MED27: variants seen among roughly 807,000 people sequenced by gnomAD.
MED27 encodes the protein mediator complex subunit 27, also known as mediator of RNA polymerase II transcription subunit 27.
MED27 carries 30 observed loss-of-function variants against 38.2 expected under a neutral mutation model. That is an observed-to-expected ratio of 0.79 (90% CI 0.59 to 1.07). MED27 has a LOEUF of 1.07. MED27 is among the 50% of genes least tolerant of loss of function. The pLI is 0.00. For synonymous variants in MED27, 122 were observed against 153.5 expected (o/e 0.79, Z 1.52); for missense variants, 289 against 397.5 (o/e 0.73, Z 2.32).
chr9:131,984,181 G>A (rs1410274734), intron 3 of MED27, among the ~76,000 whole-genome samples: 2 of 152,080 alleles, frequency 1.3e-5, no homozygotes, highest in Non-Finnish European at 2.9e-5. Context: ...TTTTAAAGTC[G>A]CTGCCCACCT....
intron 3 of MED27, among the ~76,000 whole-genome samples, chr9:131,981,284 T>C (rs1831730261): frequency 6.6e-6 from 1 of 152,254 alleles, no homozygotes; most frequent in African/African-American, 2.4e-5. Flanking sequence ...CAATAAATCA[T>C]ATCCTTCTGA....
intron 5 of MED27, among the ~76,000 whole-genome samples, chr9:131,893,372 C>G (rs2131502680): frequency 6.6e-6 from 1 of 152,250 alleles, no homozygotes; most frequent in East Asian, 1.9e-4. Context: ...GGTGAACTTT[C>G]CATGAAACAA....
chr9:132,009,336 G>A (rs1355887240), intron 3 of MED27, among the ~76,000 whole-genome samples: 1 of 152,166 alleles, frequency 6.6e-6, no homozygotes, highest in Non-Finnish European at 1.5e-5. Context: ...CTTCAAAAGG[G>A]AGAGCCTCAT....
At chr9:132,056,566 A>T (rs188929831) in intron 2 of MED27, among the ~76,000 whole-genome samples, 3 of 152,370 alleles carry the variant, frequency 2.0e-5, no homozygotes, top group African/African-American at 7.2e-5. Flanking sequence ...TTTTGGATTT[A>T]GGATACTCAA....
At chr9:131,878,797 G>C (rs1838983233) in intron 6 of MED27, among the ~76,000 whole-genome samples, 1 of 152,160 alleles carries the variant, frequency 6.6e-6, no homozygotes, top group East Asian at 1.9e-4. Flanking sequence ...CTGGCTCTTT[G>C]TGATTCTGCC....
At chr9:132,068,205 C>T (rs930441426) in intron 2 of MED27, among the ~76,000 whole-genome samples, 5 of 152,118 alleles carry the variant, frequency 3.3e-5, no homozygotes, top group African/African-American at 9.7e-5. Context: ...CACACACTCG[C>T]ATGCAGTATT....
At chr9:132,041,419 G>A (rs1233028547) in intron 2 of MED27, among the ~76,000 whole-genome samples, 2 of 152,214 alleles carry the variant, frequency 1.3e-5, no homozygotes, top group African/African-American at 4.8e-5. Context: ...CCAAGCTTTG[G>A]GAAGAACCAG....
At chr9:132,001,001 G>A (rs1832219447) in intron 3 of MED27, among the ~76,000 whole-genome samples, 1 of 152,080 alleles carries the variant, frequency 6.6e-6, no homozygotes, top group Admixed American at 6.5e-5. Context: ...TTGGGAGGCT[G>A]AGGCAGGAGG....
Position 131,997,422 on chromosome 9 carries a change from T to C in MED27, c.479+16915A>G, listed in dbSNP as rs561083501. ...CAGCCTTCCTGGAGCCACCTGCATA[T>C]GGTGACTGAGTGAGGCAGGGGTACA... On this transcript the variant is annotated intron_variant, in intron 3 of 7. Coordinates refer to ENST00000292035, the MANE Select transcript of MED27 (RefSeq NM_004269.4). The surrounding 1 kb of genome is among the most constrained non-coding windows in gnomAD (Gnocchi z 4.0). 1.3e-5 allele frequency among the ~76,000 whole-genome samples: 2 copies of C among 152,258 alleles called. No homozygotes were observed. Among genetic ancestry groups the C allele is most frequent in the South Asian group, 4.2e-4 (2 of 4,818 alleles).
rs1192798584 is a variant in MED27 at position 132,003,030 on chromosome 9, G to A, written c.479+11307C>T. 6.6e-6 allele frequency among the ~76,000 whole-genome samples: 1 copy of A among 152,070 alleles called. No homozygotes were observed. Among genetic ancestry groups the A allele is most frequent in the African/African-American group, 2.4e-5 (1 of 41,420 alleles). ...GTTTCACTTACAACCAGCATTAGTT[G>A]GGGGACAGCATGGTGTGAAGTATTA... On this transcript the variant is annotated intron_variant, in intron 3 of 7. Transcript: ENST00000292035. The surrounding 1 kb of genome is among the most constrained non-coding windows in gnomAD (Gnocchi z 4.2).
At chr9:132,058,243 T>C (rs758087966) in intron 2 of MED27, among the ~76,000 whole-genome samples, 8 of 152,198 alleles carry the variant, frequency 5.3e-5, no homozygotes, top group Non-Finnish European at 7.4e-5. Context: ...CACAGAGAGA[T>C]GGGTACATTA....
In MED27 at chr9:132,016,077, C is replaced by T. The variant is rs1004716452; in HGVS notation, c.349-1610G>A. Among the ~76,000 whole-genome samples the T allele has an allele frequency of 3.3e-5, 5 of 152,150 alleles. No individual in the cohort carries two copies. The East Asian group carries it at 5.8e-4, about 18-fold the overall frequency. On this transcript the variant is annotated intron_variant, in intron 2 of 7. Transcript: ENST00000292035. ...GCCGAGTCAGCTGCATTACAGCTCA[C>T]GGTAATGAAACTGGCGACCACCATA... is the stretch of plus-strand genomic sequence containing the variant.
At chr9:131,985,692 TAA>T (rs1326913324) in intron 3 of MED27, among the ~76,000 whole-genome samples, 24 of 151,252 alleles carry the variant, frequency 1.6e-4, no homozygotes, top group Admixed American at 1.6e-3. Flanking sequence ...ACTATAATTT[TAA>T]TTGTTTTTTT....
chr9:131,873,802 C>T (rs1008941401), intron 6 of MED27, among the ~76,000 whole-genome samples: 6 of 152,182 alleles, frequency 3.9e-5, no homozygotes, highest in African/African-American at 1.4e-4. Flanking sequence ...CTGAGAGGGG[C>T]GAGCCTGTGG....
chr9:131,958,826 A>G (rs1435241365), intron 3 of MED27, among the ~76,000 whole-genome samples: 1 of 152,248 alleles, frequency 6.6e-6, no homozygotes, highest in Non-Finnish European at 1.5e-5. Flanking sequence ...TACAGCTACG[A>G]CCTGGGTGAA....
intron 3 of MED27, among the ~76,000 whole-genome samples, chr9:131,941,796 G>A (rs1185648504): frequency 6.9e-6 from 1 of 145,546 alleles, no homozygotes; most frequent in Non-Finnish European, 1.5e-5. Context: ...ATTTCTTAAA[G>A]GCAAAGCCCC....
At chr9:131,906,006 G>A (rs1359218902) in intron 4 of MED27, among the ~76,000 whole-genome samples, 1 of 152,150 alleles carries the variant, frequency 6.6e-6, no homozygotes, top group African/African-American at 2.4e-5. Flanking sequence ...TACAGACATA[G>A]AAATTGCAAA....
At chr9:132,040,744 G>A (rs117386836) in intron 2 of MED27, among the ~76,000 whole-genome samples, 4,052 of 152,322 alleles carry the variant, frequency 0.027, 87 homozygotes, top group Middle Eastern at 0.071. Flanking sequence ...GGTACGCCCT[G>A]TGCACGTGCA....
intron 3 of MED27, among the ~76,000 whole-genome samples, chr9:132,009,743 C>G (rs1832440313): frequency 6.6e-6 from 1 of 152,216 alleles, no homozygotes. Context: ...AGATAATGTT[C>G]ATGGCTGTTA....
Sources: allele counts gnomAD v4.1 joint callset (sites outside exome capture counted in the v4.1 genomes callset), GRCh38; gene constraint gnomAD v4.1.1; non-coding constraint Gnocchi (gnomAD v3.1); transcripts MANE v1.5; gene names NCBI Gene and HGNC (gene_info 2026-07-23, HGNC 2026-07-21).